Variants in TFAP2A observed in about 807,000 individuals in gnomAD.
TFAP2A encodes the protein transcription factor AP-2-alpha.
Under a neutral mutation model 41.5 loss-of-function variants are expected in TFAP2A, and 7 were observed. That is an observed-to-expected ratio of 0.17 (90% CI 0.10 to 0.32). The LOEUF (loss-of-function observed/expected upper bound fraction) is 0.32. Among genes scored for constraint, TFAP2A ranks in the 10% least tolerant of loss-of-function variants. TFAP2A has a pLI of 1.00. For missense variants in TFAP2A, 416 were observed against 563.3 expected, an observed-to-expected ratio of 0.74 and a Z score of 2.65; for synonymous variants, 247 against 242.8, an observed-to-expected ratio of 1.02 and a Z score of -0.16.
upstream of TFAP2A, among the ~76,000 whole-genome samples, chr6:10,417,512 G>A (rs1463166660): frequency 2.0e-5 from 3 of 152,238 alleles, no homozygotes; most frequent in Admixed American, 2.0e-4. Context: ...GCATGTCAAT[G>A]CTCCGGCGGG....
At chr6:10,404,345 T>C (rs952413020) in intron 4 of TFAP2A, among the ~76,000 whole-genome samples, 163 bp downstream of exon 4, 4 of 150,542 alleles carry the variant, frequency 2.7e-5, no homozygotes, top group African/African-American at 9.8e-5. Flanking sequence ...CGCCCCCAGA[T>C]CCCGCCCACT....
rs917418676 is a variant in TFAP2A at position 10,397,676 on chromosome 6, TA to T, written c.*740del. ...TCAGATAAATAAAAAAAAAAAGGCT[TA>T]AAACAGACTCACCATATTTACAATT... On this transcript the variant is annotated 3_prime_UTR_variant, in exon 7 of 7. Coordinates refer to ENST00000379613, the MANE Select transcript of TFAP2A (RefSeq NM_001372066.1). The T allele has an allele frequency of 5.5e-5, 12 of 218,150 alleles. No homozygotes were observed. The highest frequency in any genetic ancestry group is 2.1e-4 in the African/African-American group (9 of 42,442). 13.5% of individuals were successfully genotyped at this position (218,150 alleles called of 1,614,324 possible). A position where few individuals can be genotyped will look rare whatever the true frequency, so the allele number is the denominator to read the frequency against.
intron 4 of TFAP2A, 100 bp downstream of exon 4, chr6:10,404,408 G>C: frequency 1.3e-6 from 1 of 776,748 alleles, no homozygotes; most frequent in East Asian, 3.9e-5. Context: ...AGGGAGGGCC[G>C]CGGCGCGAGG....
chr6:10,412,131 T>C (rs1016278986), intron 1 of TFAP2A: 8 of 994,720 alleles, frequency 8.0e-6, no homozygotes, highest in Non-Finnish European at 9.6e-6. Flanking sequence ...CGGCTCTCAA[T>C]GCAGTCCATT....
At chr6:10,413,848 G>A (rs1419250419) in intron 1 of TFAP2A, among the ~76,000 whole-genome samples, 3 of 141,670 alleles carry the variant, frequency 2.1e-5, no homozygotes, top group Non-Finnish European at 4.6e-5. Context: ...AACATTCTCA[G>A]CTGCAAATGC....
chr6:10,404,136 G>A (rs1316064485), intron 4 of TFAP2A, among the ~76,000 whole-genome samples: 1 of 152,264 alleles, frequency 6.6e-6, no homozygotes, highest in African/African-American at 2.4e-5. Flanking sequence ...TGTGCGCGAA[G>A]AGGGAAAAGG....
At chr6:10,411,997 T>C in intron 1 of TFAP2A, 2 of 1,080,274 alleles carry the variant, frequency 1.9e-6, no homozygotes, top group Non-Finnish European at 2.3e-6. Flanking sequence ...ATAACCGCGC[T>C]GGGCAGCGTT....
chr6:10,402,567 C>A lies in TFAP2A; in HGVS notation c.814G>T (p.Asp272Tyr). ...GCAGGCAGATTTAATCCTATTTTGT[C>A]CAGTTTTTCTCTTAAAGATCTTCCT... ...NGGRSLREKL[D>Y]KIGLNLPAGR... The change falls in exon 5 of 7, where the codon GAC becomes TAC. Residue 272 changes from aspartate to tyrosine, a missense_variant. By Grantham distance (160) the Asp-to-Tyr change is radical (BLOSUM62 -3). Transcript: ENST00000379613. The A allele has an allele frequency of 6.2e-7, 1 of 1,614,102 alleles. No homozygotes were observed. The highest frequency in any genetic ancestry group is 2.2e-5 in the East Asian group (1 of 44,878).
At chr6:10,404,838 C>A (rs1028639022) in intron 3 of TFAP2A, 99 bp from the exon 4 acceptor site, 12 of 1,076,176 alleles carry the variant, frequency 1.1e-5, no homozygotes, top group Non-Finnish European at 1.7e-5. Context: ...GGATCCCAGG[C>A]TTTGGGCCAC....
At chr6:10,415,236 G>T (rs1758199832), upstream of TFAP2A, 7 of 1,454,586 alleles carry the variant, frequency 4.8e-6, no homozygotes, top group African/African-American at 7.1e-5. Context: ...AAGAGCTCCC[G>T]TGTGCGCTCG....
chr6:10,410,136 A>C lies in TFAP2A; in HGVS notation c.251T>G (p.Leu84Arg). 1 of 1,542,018 alleles carries C rather than the reference A, an allele frequency of 6.5e-7. No individual in the cohort carries two copies. The highest frequency in any genetic ancestry group is 8.8e-7 in the Non-Finnish European group (1 of 1,137,268). Reference protein sequence around the residue: ...PYSHVNDPYSLNPLHAQPQPQ... With the variant: ...PYSHVNDPYSRNPLHAQPQPQ... Reference sequence around the variant, plus strand: ...CTGCGGCTGGGCGTGCAGGGGGTTCAGGCTGTAGGGGTCGTTGACGTGGGA... The same window carrying C: ...CTGCGGCTGGGCGTGCAGGGGGTTCCGGCTGTAGGGGTCGTTGACGTGGGA... Residue 84 changes from leucine to arginine, a missense_variant, in exon 2 of 7, where the codon CTG becomes CGG. This residue lies in a region of TFAP2A where 241 missense variants were observed against 274.1 expected (regional missense o/e 0.88). Coordinates refer to ENST00000379613, the MANE Select transcript of TFAP2A (RefSeq NM_001372066.1).
At chr6:10,407,521 A>G (rs1344544138) in intron 2 of TFAP2A, 8 of 142,076 alleles carry the variant, frequency 5.6e-5, no homozygotes, top group Non-Finnish European at 1.2e-4. Context: ...TTTTTTTTAC[A>G]GATGGATGGG....
At chr6:10,411,687 CAA>C (rs1581271905) in intron 1 of TFAP2A, 1 of 1,598,998 alleles carries the variant, frequency 6.3e-7, no homozygotes, top group African/African-American at 1.3e-5. Context: ...GCGCCCCACA[CAA>C]AAGGCGCCGA....
chr6:10,409,938 G>C lies in TFAP2A; in HGVS notation c.449C>G (p.Ser150Trp), dbSNP rs1453679490. 3 of 1,557,754 alleles carry C rather than the reference G, an allele frequency of 1.9e-6. No homozygotes were observed. Among genetic ancestry groups the C allele is most frequent in the Non-Finnish European group, 2.6e-6 (3 of 1,150,502 alleles). The stretch of plus-strand genomic sequence containing the variant: ...GATGGCGTGAGGTAAGGAGTGGATC[G>C]AGAGGTCTCCGAGTCCTGAGCTGAG... ...HALSSGLGDL[S>W]IHSLPHAIEE... The change falls in exon 2 of 7, where the codon TCG becomes TGG. Residue 150 changes from serine (S) to tryptophan (W), a missense_variant. By Grantham distance (177) the Ser-to-Trp change is radical (BLOSUM62 -3). Transcript: ENST00000379613.
intron 1 of TFAP2A, chr6:10,412,695 C>T (rs1430959530): frequency 5.9e-6 from 2 of 341,868 alleles, no homozygotes; most frequent in Admixed American, 6.9e-5. Flanking sequence ...AGGCGCTTCC[C>T]GGCCCTGTCT....
Position 10,398,713 on chromosome 6 carries a change from A to G in TFAP2A, c.1032-8T>C. On this transcript the variant is annotated splice_region_variant and splice_polypyrimidine_tract_variant and intron_variant, in intron 6 of 6. Coordinates refer to ENST00000379613, the MANE Select transcript of TFAP2A (RefSeq NM_001372066.1). The surrounding 1 kb of genome is among the most constrained non-coding windows in gnomAD (Gnocchi z 5.3). Reference sequence around the variant, plus strand: ...AACTCTTTGCATATCTGTCTGCAGCACAAGTGGAGCAGAGAGAGAGACATA... The same window carrying G: ...AACTCTTTGCATATCTGTCTGCAGCGCAAGTGGAGCAGAGAGAGAGACATA... 2 of 1,613,906 alleles carry G rather than the reference A, an allele frequency of 1.2e-6. No individual in the cohort carries two copies. The highest frequency in any genetic ancestry group is 1.7e-6 in the Non-Finnish European group (2 of 1,179,898).
At chr6:10,405,522 G>A (rs1757670772) in intron 3 of TFAP2A, 1 of 151,976 alleles carries the variant, frequency 6.6e-6, no homozygotes, top group Non-Finnish European at 1.5e-5. Context: ...TATTGGGAAA[G>A]TGGGTATATA....
rs754164317 is a variant in TFAP2A, at chr6:10,398,723, C to CAG, written c.1032-20_1032-19dup. The CAG allele has an allele frequency of 1.6e-5, 26 of 1,611,854 alleles. No homozygotes were observed. The highest frequency in any genetic ancestry group is 1.6e-4 in the African/African-American group (12 of 74,780). On this transcript the variant is annotated intron_variant, in intron 6 of 6. Transcript: ENST00000379613. The surrounding 1 kb of genome is among the most constrained non-coding windows in gnomAD (Gnocchi z 5.3). The stretch of plus-strand genomic sequence containing the variant: ...ATATCTGTCTGCAGCACAAGTGGAG[C>CAG]AGAGAGAGAGACATAAGGCTCCACT...
At chr6:10,411,402 TG>T (rs1392688172) in intron 1 of TFAP2A, among the ~76,000 whole-genome samples, 1 of 147,718 alleles carries the variant, frequency 6.8e-6, no homozygotes, top group Non-Finnish European at 1.5e-5. Flanking sequence ...GATTTAGGGA[TG>T]GAAAAGAGCG....
Sources: gnomAD v4.1 joint callset for allele counts (sites outside exome capture counted in the v4.1 genomes callset) on GRCh38, gnomAD v4.1.1 for gene constraint, gnomAD v4.1.1 regional missense constraint, Gnocchi (gnomAD v3.1) non-coding constraint, MANE v1.5 for transcripts, NCBI Gene and HGNC (gene_info 2026-07-23, HGNC 2026-07-21) for gene names.